Variants in BPNT1 observed in about 807,000 individuals in gnomAD.
BPNT1 encodes 3'(2'), 5'-bisphosphate nucleotidase 1.
A neutral mutation model predicts 36.9 loss-of-function variants in BPNT1; 28 were observed. The observed-to-expected ratio is 0.76, with a 90% CI of 0.56 to 1.04. The LOEUF (loss-of-function observed/expected upper bound fraction) is 1.04, where lower values mean the gene tolerates loss of function less well. Among genes scored for constraint, BPNT1 ranks in the 50% least tolerant of loss-of-function variants. The pLI is 0.00. For missense variants in BPNT1, 313 were observed against 372.9 expected (o/e 0.84, Z 1.32); for synonymous variants, 119 against 130.9 (o/e 0.91, Z 0.62).
intron 2 of BPNT1, among the ~76,000 whole-genome samples, chr1:220,075,704 C>T (rs1377502063): frequency 3.3e-5 from 5 of 152,184 alleles, no homozygotes; most frequent in Non-Finnish European, 5.9e-5. Flanking sequence ...CCTATTCTAT[C>T]AACATAGTTC....
chr1:220,081,026 G>A (rs914381680), intron 1 of BPNT1, among the ~76,000 whole-genome samples: 1 of 152,128 alleles, frequency 6.6e-6, no homozygotes, highest in African/African-American at 2.4e-5. Context: ...TTGCAGTGGC[G>A]CCATCTTGGC....
chr1:220,068,176 CATT>C (rs1348218205), intron 5 of BPNT1, among the ~76,000 whole-genome samples: 2 of 152,010 alleles, frequency 1.3e-5, no homozygotes, highest in Non-Finnish European at 2.9e-5. Flanking sequence ...TCATCATCAT[CATT>C]ATTATTCTTA....
At chr1:220,072,759 C>A in intron 4 of BPNT1, 91 bp downstream of exon 4, 1 of 1,063,870 alleles carries the variant, frequency 9.4e-7, no homozygotes, top group South Asian at 1.4e-5. Flanking sequence ...TTTATAACTA[C>A]CAATTTTTCA....
intron 1 of BPNT1, among the ~76,000 whole-genome samples, chr1:220,083,322 G>A (rs1007721181): frequency 2.6e-5 from 4 of 151,536 alleles, no homozygotes; most frequent in African/African-American, 7.3e-5. Context: ...AAAATTAAAC[G>A]GGTTTCTCTT....
chr1:220,086,325 C>A (rs1234395353), intron 1 of BPNT1, among the ~76,000 whole-genome samples: 1 of 152,090 alleles, frequency 6.6e-6, no homozygotes, highest in Non-Finnish European at 1.5e-5. Context: ...GGCTAAAGTG[C>A]GGTGGCCTGA....
chr1:220,089,583 G>A (rs1428864351), intron 1 of BPNT1, 103 bp downstream of exon 1: 1 of 152,236 alleles, frequency 6.6e-6, no homozygotes, highest in East Asian at 1.9e-4. Context: ...AATATCTGGA[G>A]AAGCAATCTG....
intron 5 of BPNT1, among the ~76,000 whole-genome samples, chr1:220,068,511 A>C (rs185034747): frequency 1.3e-5 from 2 of 152,054 alleles, no homozygotes; most frequent in Non-Finnish European, 2.9e-5. Context: ...TAAAACTCTA[A>C]GCTTAAAACC....
Position 220,058,830 on chromosome 1 carries a change from A to G in BPNT1, c.*14T>C, listed in dbSNP as rs760935868. On this transcript the variant is annotated 3_prime_UTR_variant, in exon 9 of 9. Transcript: ENST00000322067. ...AGGCATGAGCCACCGCGCCCGGCCA[A>G]ATGAAACTTTCCTTTAAGGAACAAG... The G allele has an allele frequency of 3.8e-5, 61 of 1,613,348 alleles. 1 individual carries two copies. The highest frequency in any genetic ancestry group is 2.0e-4 in the East Asian group (9 of 44,864).
chr1:220,069,479 A>C, intron 4 of BPNT1, 47 bp from the exon 5 acceptor site: 3 of 1,430,692 alleles, frequency 2.1e-6, no homozygotes, highest in Non-Finnish European at 2.9e-6. Context: ...AAGCACACAA[A>C]ATTCTAAAAA....
At chr1:220,085,706 G>C (rs769646340) in intron 1 of BPNT1, among the ~76,000 whole-genome samples, 1 of 152,166 alleles carries the variant, frequency 6.6e-6, no homozygotes, top group Admixed American at 6.5e-5. Context: ...TAATCAACAT[G>C]ACCCTCAATC....
At chr1:220,077,071 G>T (rs1453441690) in intron 2 of BPNT1, among the ~76,000 whole-genome samples, 5 of 152,072 alleles carry the variant, frequency 3.3e-5, no homozygotes, top group African/African-American at 1.2e-4. Context: ...GTTATTTAAT[G>T]ATTAAAGAGA....
In BPNT1 at chr1:220,079,709, A is replaced by C. The variant is rs942807014; in HGVS notation, c.120+18T>G. 6.2e-7 allele frequency: 1 copy of C among 1,613,512 alleles called. No homozygotes were observed. Among genetic ancestry groups the C allele is most frequent in the Non-Finnish European group, 8.5e-7 (1 of 1,179,844 alleles). On this transcript the variant is annotated intron_variant, in intron 2 of 8. Coordinates refer to ENST00000322067, the MANE Select transcript of BPNT1 (RefSeq NM_006085.6). Reference sequence around the variant, plus strand: ...ACAAAAATCAAGTTGGTATGAAATGATATGAGAGTTTGAGTACCTTCTCCA... The same window carrying C: ...ACAAAAATCAAGTTGGTATGAAATGCTATGAGAGTTTGAGTACCTTCTCCA...
At chr1:220,060,760 G>A (rs1662951055) in intron 7 of BPNT1, among the ~76,000 whole-genome samples, 1 of 152,134 alleles carries the variant, frequency 6.6e-6, no homozygotes. Flanking sequence ...CTGAGAACAT[G>A]TGCCCAAGGC....
intron 1 of BPNT1, among the ~76,000 whole-genome samples, chr1:220,088,802 A>AAAAG (rs931846686): frequency 7.4e-6 from 1 of 135,132 alleles, no homozygotes; most frequent in Admixed American, 7.3e-5. Context: ...AAAAAAAAAA[A>AAAAG]AAAGAAAGAA....
intron 4 of BPNT1, among the ~76,000 whole-genome samples, chr1:220,070,153 A>G (rs1663929288): frequency 6.6e-6 from 1 of 152,184 alleles, no homozygotes; most frequent in African/African-American, 2.4e-5. Flanking sequence ...TGATTATCTT[A>G]AGGACACAGT....
intron 4 of BPNT1, among the ~76,000 whole-genome samples, chr1:220,071,579 G>T (rs1053276028): frequency 6.6e-6 from 1 of 152,140 alleles, no homozygotes; most frequent in African/African-American, 2.4e-5. Context: ...CTTCCCAATT[G>T]CAAAACTTAA....
At chr1:220,076,268 G>A (rs1028966305) in intron 2 of BPNT1, among the ~76,000 whole-genome samples, 1 of 152,136 alleles carries the variant, frequency 6.6e-6, no homozygotes, top group African/African-American at 2.4e-5. Context: ...TTGGGAGGCT[G>A]AGGTGGGCGG....
chr1:220,070,713 C>T (rs1282182075), intron 4 of BPNT1, among the ~76,000 whole-genome samples: 1 of 150,998 alleles, frequency 6.6e-6, no homozygotes, highest in African/African-American at 2.4e-5. Context: ...CCGCCTACCT[C>T]AGCCTCCCAA....
chr1:220,081,761 C>G (rs1167103983), intron 1 of BPNT1, among the ~76,000 whole-genome samples: 1 of 151,942 alleles, frequency 6.6e-6, no homozygotes, highest in Non-Finnish European at 1.5e-5. Flanking sequence ...AAGGCCATTT[C>G]CTACCCCAAG....
Sources: gnomAD v4.1 joint callset for allele counts (sites outside exome capture counted in the v4.1 genomes callset) on GRCh38, gnomAD v4.1.1 for gene constraint, MANE v1.5 for transcripts, NCBI Gene and HGNC (gene_info 2026-07-23, HGNC 2026-07-21) for gene names.